TIGIT: variants seen among roughly 807,000 people sequenced by gnomAD.
The protein encoded by TIGIT is T cell immunoreceptor with Ig and ITIM domains.
TIGIT carries 11 observed loss-of-function variants against 19.6 expected under a neutral mutation model. The observed-to-expected ratio is 0.56, with a 90% confidence interval of 0.35 to 0.93. TIGIT has a LOEUF of 0.93. TIGIT is among the 40% of genes least tolerant of loss of function. The pLI, the probability that TIGIT is intolerant of heterozygous loss-of-function variation, is 0.01. For missense variants in TIGIT, 295 were observed against 303.9 expected (o/e 0.97, Z 0.22); for synonymous variants, 130 against 125.5 (o/e 1.04, Z -0.24).
At chr3:114,299,778 C>A in intron 3 of TIGIT, 75 bp downstream of exon 3, 2 of 949,314 alleles carry the variant, frequency 2.1e-6, no homozygotes, top group Non-Finnish European at 3.3e-6. Flanking sequence ...GGTTCTCTTT[C>A]CACCCAGAGA....
At chr3:114,296,997 C>T (rs1028695953) in intron 2 of TIGIT, among the ~76,000 whole-genome samples, 3 of 148,670 alleles carry the variant, frequency 2.0e-5, no homozygotes, top group Non-Finnish European at 4.4e-5. Flanking sequence ...TGAGTTCAAG[C>T]GATTCTCTCC....
chr3:114,305,864 G>GGATAGATAGATAGATAGATAGATA (rs747740694), intron 3 of TIGIT, among the ~76,000 whole-genome samples: 3 of 145,046 alleles, frequency 2.1e-5, no homozygotes, highest in East Asian at 4.1e-4. Context: ...ATGGATGGAT[G>GGATAGATAGATAGATAGATAGATA]GATAGATAGA....
At chr3:114,307,403 G>A (rs763632717) in intron 3 of TIGIT, among the ~76,000 whole-genome samples, 3 of 152,190 alleles carry the variant, frequency 2.0e-5, no homozygotes, top group East Asian at 1.9e-4. Context: ...CATGTTTAGC[G>A]TGAGAGAAAG....
chr3:114,303,576 TATATATATATAC>T (rs2078509494), intron 3 of TIGIT, among the ~76,000 whole-genome samples: 4 of 4,090 alleles, frequency 9.8e-4, no homozygotes, highest in African/African-American at 1.7e-3. Flanking sequence ...TATATATGTA[TATATATATATAC>T]ATATATATGT....
chr3:114,302,131 G>T (rs903936256), intron 3 of TIGIT, among the ~76,000 whole-genome samples: 1 of 152,060 alleles, frequency 6.6e-6, no homozygotes, highest in African/African-American at 2.4e-5. Flanking sequence ...CCAGTCCAAG[G>T]CCACCCTGCA....
intron 2 of TIGIT, 127 bp from the exon 3 acceptor site, chr3:114,299,470 C>G (rs2078475422): frequency 6.0e-6 from 4 of 669,044 alleles, no homozygotes; most frequent in Admixed American, 2.2e-5. Flanking sequence ...CTTAAAGGCT[C>G]CAGTCCCATG....
chr3:114,297,903 C>T (rs936160667), intron 2 of TIGIT, among the ~76,000 whole-genome samples: 4 of 152,338 alleles, frequency 2.6e-5, no homozygotes, highest in South Asian at 2.1e-4. Flanking sequence ...ATTGGTCACT[C>T]GGCTCTTCCC....
chr3:114,297,258 C>T (rs2078459783), intron 2 of TIGIT, among the ~76,000 whole-genome samples: 1 of 152,086 alleles, frequency 6.6e-6, no homozygotes, highest in Admixed American at 6.5e-5. Flanking sequence ...GCAGTTGACC[C>T]CACGAAGTCT....
chr3:114,299,976 C>T (rs928574264), intron 3 of TIGIT, among the ~76,000 whole-genome samples: 6 of 152,172 alleles, frequency 3.9e-5, no homozygotes, highest in African/African-American at 1.2e-4. Flanking sequence ...ATCCCTTAAG[C>T]CACTGCTCTG....
intron 3 of TIGIT, among the ~76,000 whole-genome samples, chr3:114,301,577 A>C (rs1235956701): frequency 6.6e-6 from 1 of 152,208 alleles, no homozygotes; most frequent in Non-Finnish European, 1.5e-5. Flanking sequence ...GGAATAAAAG[A>C]ATCAAAGGCT....
intron 3 of TIGIT, among the ~76,000 whole-genome samples, chr3:114,301,186 C>A (rs113043417): frequency 4.5e-4 from 68 of 152,256 alleles, no homozygotes; most frequent in African/African-American, 1.6e-3. Context: ...TTCAAGTCAC[C>A]ACATAAATAT....
At chr3:114,298,941 C>G (rs1376178558) in intron 2 of TIGIT, among the ~76,000 whole-genome samples, 1 of 152,182 alleles carries the variant, frequency 6.6e-6, no homozygotes, top group African/African-American at 2.4e-5. Flanking sequence ...TTCAAAACTC[C>G]CCTCCTGCAT....
In TIGIT at chr3:114,294,154, A is replaced by G. The variant is rs1439553224; in HGVS notation, c.61+32A>G. 4 of 1,517,368 alleles carry G rather than the reference A, an allele frequency of 2.6e-6. 1 individual carries two copies. The East Asian group carries it at 9.8e-5, about 37-fold the overall frequency. The allele number at this position is 1,517,368 out of a possible 1,614,324, so 94.0% of individuals were successfully genotyped here. On this transcript the variant is annotated intron_variant, in intron 1 of 3. Transcript: ENST00000383671. ...CCTGAAACCCAGCAGAGCAGCAGGGAGGAAAAACAAGGCTAAGCTTGGTTG... is the reference window on the plus strand; with the variant it reads ...CCTGAAACCCAGCAGAGCAGCAGGGGGGAAAAACAAGGCTAAGCTTGGTTG...
At chr3:114,294,501 G>A (rs553218670) in intron 1 of TIGIT, among the ~76,000 whole-genome samples, 2 of 152,264 alleles carry the variant, frequency 1.3e-5, no homozygotes, top group South Asian at 2.1e-4. Context: ...AACATTATAA[G>A]TTCTCTGTGA....
At chr3:114,300,561 TTATA>T (rs994356617) in intron 3 of TIGIT, among the ~76,000 whole-genome samples, 2 of 152,162 alleles carry the variant, frequency 1.3e-5, no homozygotes, top group African/African-American at 4.8e-5. Flanking sequence ...CTTCATTTCC[TTATA>T]TATAAAATGG....
chr3:114,309,860 A>T lies in TIGIT; in HGVS notation c.*1729A>T, dbSNP rs577526990. 1 of 152,336 alleles carries T rather than the reference A, an allele frequency of 6.6e-6. No individual in the cohort carries two copies. 9.4% of individuals were successfully genotyped at this position (152,336 alleles called of 1,614,324 possible). ...TTGGACTGAGAGTTGGGTGTTATTT[A>T]ACATAATTATGGTAATTGGGAAACA... On this transcript the variant is annotated 3_prime_UTR_variant, in exon 4 of 4. Coordinates refer to ENST00000383671, the MANE Select transcript of TIGIT (RefSeq NM_173799.4).
chr3:114,305,551 AC>A (rs1298884501), intron 3 of TIGIT, among the ~76,000 whole-genome samples: 1 of 152,060 alleles, frequency 6.6e-6, no homozygotes, highest in Non-Finnish European at 1.5e-5. Context: ...AGTCGGTTGA[AC>A]CTTTAGGCAG....
intron 3 of TIGIT, among the ~76,000 whole-genome samples, chr3:114,307,159 A>T (rs375678445): frequency 2.1e-5 from 3 of 145,274 alleles, no homozygotes; most frequent in Non-Finnish European, 4.6e-5. Flanking sequence ...GGCAGTGAAT[A>T]TAGGGGCAGG....
At chr3:114,307,370 T>A (rs188659569) in intron 3 of TIGIT, among the ~76,000 whole-genome samples, 1 of 152,108 alleles carries the variant, frequency 6.6e-6, no homozygotes, top group Non-Finnish European at 1.5e-5. Context: ...AGAAAGTAGA[T>A]GCTCATGAAA....
Sources: gnomAD v4.1 joint callset for allele counts (sites outside exome capture counted in the v4.1 genomes callset) on GRCh38, gnomAD v4.1.1 for gene constraint, MANE v1.5 for transcripts, NCBI Gene and HGNC (gene_info 2026-07-23, HGNC 2026-07-21) for gene names.